Variants in IL15RA observed in about 807,000 individuals in gnomAD.
IL15RA encodes the protein interleukin-15 receptor subunit alpha.
A neutral mutation model predicts 24.2 loss-of-function variants in IL15RA; 26 were observed. The ratio of observed to expected loss-of-function variants is 1.07; its 90% confidence interval spans 0.79 to 1.49. The LOEUF is 1.49. IL15RA is among the 40% of genes most tolerant of loss of function. IL15RA has a pLI of 0.00. For missense variants in IL15RA, 354 were observed against 356.4 expected (o/e 0.99, Z 0.05); for synonymous variants, 166 against 157.6 (o/e 1.05, Z -0.40).
intron 1 of IL15RA, among the ~76,000 whole-genome samples, chr10:5,976,291 T>TG (rs983289122): frequency 1.0e-4 from 11 of 106,360 alleles, no homozygotes; most frequent in East Asian, 8.6e-4. Flanking sequence ...TGGCAGAGGG[T>TG]GGGGGGGCGT....
rs944260049 is a variant in IL15RA, at chr10:5,971,594, G to A, written c.89-5255C>T. 3.3e-5 allele frequency among the ~76,000 whole-genome samples: 5 copies of A among 152,280 alleles called. No individual in the cohort carries two copies. Among genetic ancestry groups the A allele is most frequent in the African/African-American group, 1.2e-4 (5 of 41,544 alleles). ...TACAGCACCTTTCAAATGCCTGCAC[G>A]AGCTAAGGGTGGTAGGATTCAGAGA... On this transcript the variant is annotated intron_variant, in intron 1 of 6. Coordinates refer to ENST00000379977, the MANE Select transcript of IL15RA (RefSeq NM_002189.4). The surrounding 1 kb of genome is among the most constrained non-coding windows in gnomAD (Gnocchi z 5.5).
At chr10:5,969,802 A>C (rs530468519) in intron 1 of IL15RA, among the ~76,000 whole-genome samples, 1 of 152,356 alleles carries the variant, frequency 6.6e-6, no homozygotes, top group Non-Finnish European at 1.5e-5. Context: ...AAAACCCATC[A>C]ACACGGTATC....
In IL15RA at chr10:5,966,050, G is replaced by T; in HGVS notation, c.283+95C>A. On this transcript the variant is annotated intron_variant, in intron 2 of 6. Transcript: ENST00000379977. The surrounding 1 kb of genome is among the most constrained non-coding windows in gnomAD (Gnocchi z 6.4). ...CTGGTGTGTTTAGCCTCAGACCTCA[G>T]CACAGATCCCTTGACCCCTGAGATG... 2.2e-6 allele frequency: 2 copies of T among 893,560 alleles called. No individual in the cohort carries two copies. Among genetic ancestry groups the T allele is most frequent in the African/African-American group, 1.6e-5 (1 of 61,226 alleles). 55.4% of individuals were successfully genotyped at this position (893,560 alleles called of 1,614,324 possible).
rs1275247522 is a variant in IL15RA, at chr10:5,975,999, C to T, written c.88+1406G>A. Among the ~76,000 whole-genome samples, 1 of 152,230 alleles carries T rather than the reference C, an allele frequency of 6.6e-6. No homozygotes were observed. Among genetic ancestry groups the T allele is most frequent in the Non-Finnish European group, 1.5e-5 (1 of 68,044 alleles). ...AAGGTCAAAGGGCAAGGCTGTGCAG[C>T]TGATGAGATCAGAGATCTCACAGTG... On this transcript the variant is annotated intron_variant, in intron 1 of 6. Transcript: ENST00000379977. The surrounding 1 kb of genome is among the most constrained non-coding windows in gnomAD (Gnocchi z 4.8).
chr10:5,969,583 C>T (rs1389094055), intron 1 of IL15RA, among the ~76,000 whole-genome samples: 1 of 152,106 alleles, frequency 6.6e-6, no homozygotes, highest in Non-Finnish European at 1.5e-5. Context: ...TGCTATGTTG[C>T]TCAGGCTGGT....
chr10:5,953,620 C>T lies in IL15RA; in HGVS notation c.693-414G>A, dbSNP rs1000905018. ...CTTACGCCACCCTGCCATCACCCCA[C>T]GCTTTGCCAGTCCTCTGCCAAAAAG... is the stretch of plus-strand genomic sequence containing the variant. On this transcript the variant is annotated intron_variant, in intron 6 of 6. Transcript: ENST00000379977. This position sits in a 1 kb window ranked among gnomAD's most constrained non-coding sequence, Gnocchi z 5.3. Among the ~76,000 whole-genome samples, 2 of 152,190 alleles carry T rather than the reference C, an allele frequency of 1.3e-5. No individual in the cohort carries two copies. Among genetic ancestry groups the T allele is most frequent in the Non-Finnish European group, 2.9e-5 (2 of 68,046 alleles).
chr10:5,966,198 A>C lies in IL15RA; in HGVS notation c.230T>G (p.Leu77Trp). ...GTGGGCGACATTCGTGGCCTTGTTCAACACGCACTCCGTCAGGCTGGACGT... is the reference window on the plus strand; with the variant it reads ...GTGGGCGACATTCGTGGCCTTGTTCCACACGCACTCCGTCAGGCTGGACGT... The part of the protein sequence containing the change: ...AGTSSLTECV[L>W]NKATNVAHWT... The change falls in exon 2 of 7, where the codon TTG becomes TGG. Residue 77 changes from leucine to tryptophan, a missense_variant. Leu to Trp is a moderately conservative substitution (Grantham distance 61). Transcript: ENST00000379977. This position sits in a 1 kb window ranked among gnomAD's most constrained non-coding sequence, Gnocchi z 6.4. The C allele has an allele frequency of 6.2e-7, 1 of 1,613,816 alleles. No individual in the cohort carries two copies. The highest frequency in any genetic ancestry group is 8.5e-7 in the Non-Finnish European group (1 of 1,179,734).
In IL15RA at chr10:5,963,193, A is replaced by G. The variant is rs1835889818; in HGVS notation, c.382+550T>C. ...CATGGTCTCCCCTGGAGCAGAGAGC[A>G]GGTGTGATTACTGCCCATGACAAAA... On this transcript the variant is annotated intron_variant, in intron 3 of 6. Transcript: ENST00000379977. This position sits in a 1 kb window ranked among gnomAD's most constrained non-coding sequence, Gnocchi z 5.3. Among the ~76,000 whole-genome samples the G allele has an allele frequency of 6.6e-6, 1 of 152,222 alleles. No individual in the cohort carries two copies. The highest frequency in any genetic ancestry group is 1.5e-5 in the Non-Finnish European group (1 of 68,034).
rs148174785 is a variant in IL15RA at position 5,968,607 on chromosome 10, C to G, written c.89-2268G>C. On this transcript the variant is annotated intron_variant, in intron 1 of 6. Coordinates refer to ENST00000379977, the MANE Select transcript of IL15RA (RefSeq NM_002189.4). This position sits in a 1 kb window ranked among gnomAD's most constrained non-coding sequence, Gnocchi z 5.4. The stretch of plus-strand genomic sequence containing the variant: ...TGCTATGGTTACCTGCAGAGCCCCA[C>G]TGGCTTTGAGGCCTCTGGTGCTATC... The G allele has an allele frequency of 5.7e-5, 34 of 593,002 alleles. No homozygotes were observed. The highest frequency in any genetic ancestry group is 8.7e-5 in the Non-Finnish European group (29 of 332,340). The allele number at this position is 593,002 out of a possible 1,614,324, so 36.7% of individuals were successfully genotyped here. A position where few individuals can be genotyped will look rare whatever the true frequency, so the allele number is the denominator to read the frequency against.
chr10:5,960,695 C>A lies in IL15RA; in HGVS notation c.383-128G>T, dbSNP rs1835357520. 6 of 750,582 alleles carry A rather than the reference C, an allele frequency of 8.0e-6. No individual in the cohort carries two copies. The highest frequency in any genetic ancestry group is 1.4e-5 in the Non-Finnish European group (6 of 434,646). 46.5% of individuals were successfully genotyped at this position (750,582 alleles called of 1,614,324 possible). ...CCAGCCCTCCCTCTCTCACAGCCAA[C>A]TGCTCCTTGAGAGGGTGACATAGCC... On this transcript the variant is annotated intron_variant, in intron 3 of 6. Transcript: ENST00000379977. This position sits in a 1 kb window ranked among gnomAD's most constrained non-coding sequence, Gnocchi z 5.1.
In IL15RA at chr10:5,964,246, C is replaced by A. The variant is rs1489808959; in HGVS notation, c.284-405G>T. ...TGATCACAACTCACTGCAGCCTTGA[C>A]CTCCCGGGCTCAAGAGATCCTCCTG... On this transcript the variant is annotated intron_variant, in intron 2 of 6. Coordinates refer to ENST00000379977, the MANE Select transcript of IL15RA (RefSeq NM_002189.4). This position sits in a 1 kb window ranked among gnomAD's most constrained non-coding sequence, Gnocchi z 5.6. 6.6e-6 allele frequency among the ~76,000 whole-genome samples: 1 copy of A among 152,104 alleles called. No homozygotes were observed. Among genetic ancestry groups the A allele is most frequent in the Non-Finnish European group, 1.5e-5 (1 of 68,020 alleles).
At position 5,955,101 on chromosome 10, in the gene IL15RA, ATT is replaced by A. The variant is rs59892494; in HGVS notation, c.692+1276_692+1277del. ...AAAATTAGGCTCAAAGGGTCACATA[ATT>A]TTTTTTTTTTTTTGAGATGGAGTTT... is the stretch of plus-strand genomic sequence containing the variant. On this transcript the variant is annotated intron_variant, in intron 6 of 6. Coordinates refer to ENST00000379977, the MANE Select transcript of IL15RA (RefSeq NM_002189.4). This position sits in a 1 kb window ranked among gnomAD's most constrained non-coding sequence, Gnocchi z 5.3. 4.9e-5 allele frequency among the ~76,000 whole-genome samples: 7 copies of A among 144,182 alleles called. No homozygotes were observed. The highest frequency in any genetic ancestry group is 5.1e-5 in the African/African-American group (2 of 39,420). 94.6% of individuals were successfully genotyped at this position (144,182 alleles called of 152,430 possible). A position where few individuals can be genotyped will look rare whatever the true frequency, so the allele number is the denominator to read the frequency against.
intron 6 of IL15RA, among the ~76,000 whole-genome samples, chr10:5,954,171 T>C (rs568182533): frequency 9.1e-4 from 91 of 99,636 alleles, no homozygotes; most frequent in Non-Finnish European, 1.2e-3. Flanking sequence ...AATTCTTCTT[T>C]TTTTTTTTTT....
intron 1 of IL15RA, among the ~76,000 whole-genome samples, chr10:5,976,724 A>T (rs925689627): frequency 6.6e-6 from 1 of 151,970 alleles, no homozygotes; most frequent in Non-Finnish European, 1.5e-5. Context: ...TTCTTCTCGA[A>T]TACACCAAGC....
Position 5,975,687 on chromosome 10 carries a change from C to T in IL15RA, c.88+1718G>A, listed in dbSNP as rs970406521. ...AGATCACAAGGTCAGGAGTGATCAC[C>T]ATGTTGGATCAGCCTGACCAACATG... On this transcript the variant is annotated intron_variant, in intron 1 of 6. Transcript: ENST00000379977. This position sits in a 1 kb window ranked among gnomAD's most constrained non-coding sequence, Gnocchi z 4.8. Among the ~76,000 whole-genome samples, 1 of 152,046 alleles carries T rather than the reference C, an allele frequency of 6.6e-6. No homozygotes were observed. Among genetic ancestry groups the T allele is most frequent in the Non-Finnish European group, 1.5e-5 (1 of 67,980 alleles).
chr10:5,968,670 G>T lies in IL15RA; in HGVS notation c.89-2331C>A. On this transcript the variant is annotated intron_variant, in intron 1 of 6. Transcript: ENST00000379977. This position sits in a 1 kb window ranked among gnomAD's most constrained non-coding sequence, Gnocchi z 5.4. ...GTCAGAGGCTTTTTCTCCATGTTCT[G>T]CTCCACACTGATCTTCTGTCCTTCT... 3.0e-6 allele frequency: 2 copies of T among 669,204 alleles called. No homozygotes were observed. The highest frequency in any genetic ancestry group is 5.5e-6 in the Non-Finnish European group (2 of 366,754). The allele number at this position is 669,204 out of a possible 1,614,324, so 41.5% of individuals were successfully genotyped here.
At chr10:5,951,516 T>C (rs934567241), downstream of IL15RA, among the ~76,000 whole-genome samples, 1 of 152,146 alleles carries the variant, frequency 6.6e-6, no homozygotes, top group Admixed American at 6.5e-5. Context: ...CTACACTTCT[T>C]ATTACTTTTG....
In IL15RA at chr10:5,953,015, T is replaced by A. The variant is rs8177744; in HGVS notation, c.*80A>T. ...AGCTTGCTCCTGGAGCCCGCTTCCT[T>A]GCACCTCTTCTCAGTCGTCTTTAGC... On this transcript the variant is annotated 3_prime_UTR_variant, in exon 7 of 7. Transcript: ENST00000379977. This position sits in a 1 kb window ranked among gnomAD's most constrained non-coding sequence, Gnocchi z 5.3. 9.4e-7 allele frequency: 1 copy of A among 1,061,738 alleles called. No individual in the cohort carries two copies. The highest frequency in any genetic ancestry group is 1.6e-5 in the African/African-American group (1 of 63,632). 65.8% of individuals were successfully genotyped at this position (1,061,738 alleles called of 1,614,324 possible). A position where few individuals can be genotyped will look rare whatever the true frequency, so the allele number is the denominator to read the frequency against.
downstream of IL15RA, among the ~76,000 whole-genome samples, chr10:5,949,494 AGCCCT>A (rs1468721180): frequency 3.9e-5 from 6 of 152,310 alleles, no homozygotes; most frequent in East Asian, 1.2e-3. The surrounding 1 kb of genome is among the most constrained non-coding windows in gnomAD (Gnocchi z 4.4). Context: ...CAAGGAGCAC[AGCCCT>A]GGGGTGAGAC....
Sources: gnomAD v4.1 joint callset for allele counts (sites outside exome capture counted in the v4.1 genomes callset) on GRCh38, gnomAD v4.1.1 for gene constraint, Gnocchi (gnomAD v3.1) non-coding constraint, MANE v1.5 for transcripts, NCBI Gene and HGNC (gene_info 2026-07-23, HGNC 2026-07-21) for gene names.